The following A1CF variants were observed in gnomAD, a reference collection of about 807,000 sequenced individuals.
A1CF encodes APOBEC1 complementation factor, also known as APOBEC-1 stimulating protein.
A neutral mutation model predicts 68.9 loss-of-function variants in A1CF; 48 were observed. That is an observed-to-expected ratio of 0.70 (90% CI 0.55 to 0.89). The LOEUF (loss-of-function observed/expected upper bound fraction) is 0.89, where lower values mean the gene tolerates loss of function less well. Ranked by LOEUF, A1CF falls within the 40% of genes least tolerant of loss-of-function variation. The pLI is 0.00. For missense variants in A1CF, 653 were observed against 718.9 expected, an observed-to-expected ratio of 0.91 and a Z score of 1.05; for synonymous variants, 272 against 260.4, an observed-to-expected ratio of 1.04 and a Z score of -0.43.
intron 12 of A1CF, among the ~76,000 whole-genome samples, chr10:50,807,227 T>TTTATAAATTTAG: frequency 6.6e-6 from 1 of 152,204 alleles, no homozygotes; most frequent in South Asian, 2.1e-4. Flanking sequence ...TTTGAGGGTC[T>TTTATAAATTTAG]CCAAATTTAT....
chr10:50,869,011 G>A (rs2132569172), intron 1 of A1CF, among the ~76,000 whole-genome samples: 1 of 152,112 alleles, frequency 6.6e-6, no homozygotes, highest in East Asian at 1.9e-4. Context: ...AGGAAGGAGA[G>A]GAACAGGAAA....
At chr10:50,820,242 T>C (rs1022173562) in intron 8 of A1CF, among the ~76,000 whole-genome samples, 11 of 152,198 alleles carry the variant, frequency 7.2e-5, no homozygotes, top group African/African-American at 2.7e-4. Context: ...TTTGAAGTAA[T>C]GAGAGAAAAC....
chr10:50,854,120 T>C (rs563930604), intron 3 of A1CF, among the ~76,000 whole-genome samples: 1 of 152,158 alleles, frequency 6.6e-6, no homozygotes, highest in South Asian at 2.1e-4. Flanking sequence ...AGAAATCTTT[T>C]CTACCTTATG....
Position 50,874,204 on chromosome 10 carries a change from G to A in A1CF, c.-93-10124C>T, listed in dbSNP as rs116726536. 4.5e-3 allele frequency among the ~76,000 whole-genome samples: 685 copies of A among 152,086 alleles called. 2 individuals are homozygous for A. The highest frequency in any genetic ancestry group is 0.012 in the African/African-American group (509 of 41,536). On this transcript the variant is annotated intron_variant, in intron 1 of 12. Coordinates refer to ENST00000373997, the MANE Select transcript of A1CF (RefSeq NM_014576.4). ...CACAGATCATCAGATCATCATTTTT[G>A]CAAAACAATCCTGGCATCTAGAAAT...
In A1CF at chr10:50,801,644, C is replaced by T. The variant is rs1044232046; in HGVS notation, c.*5085G>A. On this transcript the variant is annotated 3_prime_UTR_variant, in exon 13 of 13. Coordinates refer to ENST00000373997, the MANE Select transcript of A1CF (RefSeq NM_014576.4). ...TTTTAAAGATACTGTTTCTTGGTAT[C>T]TCCTATTCCCTTAGACAAAGTATCA... 1 of 152,284 alleles carries T rather than the reference C, an allele frequency of 6.6e-6. No homozygotes were observed. The highest frequency in any genetic ancestry group is 6.5e-5 in the Admixed American group (1 of 15,292). 9.4% of individuals were successfully genotyped at this position (152,284 alleles called of 1,614,324 possible).
rs1224658129 is a variant in A1CF, at chr10:50,813,866, G to A, written c.1314C>T (p.Leu438=). 13 of 1,613,444 alleles carry A rather than the reference G, an allele frequency of 8.1e-6. No homozygotes were observed. The highest frequency in any genetic ancestry group is 5.0e-5 in the Admixed American group (3 of 59,964). Residue 438 remains leucine (L), a synonymous_variant, in exon 10 of 13, where the codon CTC becomes CTT. Transcript: ENST00000373997. ...GAATAACATTACCTACCTGGGGAGC[G>A]AGTTTAATTCCTTGGGGTTTTAATG... ...PVTLKPQGIK[L]APQILEEICQ...
intron 10 of A1CF, among the ~76,000 whole-genome samples, chr10:50,813,481 C>T (rs1397317994): frequency 2.0e-5 from 3 of 152,134 alleles, no homozygotes; most frequent in East Asian, 1.9e-4. Flanking sequence ...CTATTCAGGG[C>T]ACTGCCATAA....
chr10:50,806,614 C>T lies in A1CF; in HGVS notation c.*115G>A. 2 of 950,682 alleles carry T rather than the reference C, an allele frequency of 2.1e-6. No homozygotes were observed. The highest frequency in any genetic ancestry group is 3.5e-4 in the Middle Eastern group (1 of 2,880). 58.9% of individuals were successfully genotyped at this position (950,682 alleles called of 1,614,324 possible). A position where few individuals can be genotyped will look rare whatever the true frequency, so the allele number is the denominator to read the frequency against. On this transcript the variant is annotated 3_prime_UTR_variant, in exon 13 of 13. Transcript: ENST00000373997. ...ATAAGCTATACAGTCTCTGGAAAGG[C>T]ATTTCTTTAGGAAACATATTATTTA...
intron 7 of A1CF, among the ~76,000 whole-genome samples, chr10:50,827,446 G>A (rs984793590): frequency 2.6e-5 from 4 of 152,234 alleles, no homozygotes; most frequent in African/African-American, 9.6e-5. Flanking sequence ...TCAGACCACA[G>A]TGCAATCAAA....
intron 1 of A1CF, among the ~76,000 whole-genome samples, chr10:50,868,529 T>C (rs955584382): frequency 6.6e-6 from 1 of 152,210 alleles, no homozygotes; most frequent in East Asian, 1.9e-4. Context: ...TGCAACATCT[T>C]AGTTTTTTAA....
intron 7 of A1CF, among the ~76,000 whole-genome samples, chr10:50,820,897 G>T (rs970052387): frequency 1.3e-5 from 2 of 152,096 alleles, no homozygotes; most frequent in African/African-American, 4.8e-5. Flanking sequence ...AGGTGTCTAA[G>T]GGTGGGAATT....
chr10:50,834,576 T>C (rs1188524766), intron 6 of A1CF, among the ~76,000 whole-genome samples: 2 of 152,316 alleles, frequency 1.3e-5, no homozygotes, highest in South Asian at 2.1e-4. Context: ...TATTGAATAA[T>C]GAAATCACAT....
chr10:50,872,100 A>G (rs1165911084), intron 1 of A1CF, among the ~76,000 whole-genome samples: 2 of 151,840 alleles, frequency 1.3e-5, no homozygotes, highest in Non-Finnish European at 2.9e-5. Flanking sequence ...TGAACTGTCA[A>G]TTTAAAGAAA....
chr10:50,856,136 T>C (rs1320959651), intron 3 of A1CF, among the ~76,000 whole-genome samples: 1 of 152,018 alleles, frequency 6.6e-6, no homozygotes, highest in Non-Finnish European at 1.5e-5. Flanking sequence ...ATTCAGAAGA[T>C]ACTAGAATCA....
intron 12 of A1CF, among the ~76,000 whole-genome samples, 195 bp from the exon 13 acceptor site, chr10:50,807,075 G>C (rs1837867919): frequency 6.6e-6 from 1 of 152,144 alleles, no homozygotes; most frequent in African/African-American, 2.4e-5. Flanking sequence ...AACAGTCCTA[G>C]GACAATGTTC....
intron 5 of A1CF, among the ~76,000 whole-genome samples, chr10:50,838,782 G>C (rs568049453): frequency 5.3e-5 from 8 of 152,290 alleles, no homozygotes; most frequent in African/African-American, 1.9e-4. Flanking sequence ...AGTGCAAGTA[G>C]GTGAGGTTGT....
intron 6 of A1CF, among the ~76,000 whole-genome samples, chr10:50,833,743 G>A (rs1239850351): frequency 3.3e-5 from 5 of 152,136 alleles, no homozygotes; most frequent in Admixed American, 1.3e-4. Context: ...ATCCAAATGG[G>A]TGATAGGTTT....
chr10:50,851,124 C>T (rs1221742633), intron 3 of A1CF, among the ~76,000 whole-genome samples: 1 of 152,198 alleles, frequency 6.6e-6, no homozygotes, highest in African/African-American at 2.4e-5. Context: ...TTTGTATAAT[C>T]ATTCTTCTCC....
chr10:50,849,766 G>GTGAGT (rs1487227765), intron 3 of A1CF, among the ~76,000 whole-genome samples: 1 of 145,068 alleles, frequency 6.9e-6, no homozygotes, highest in Non-Finnish European at 1.5e-5. Flanking sequence ...ACTAAAAATA[G>GTGAGT]TGAGTTGATT....
Sources: allele counts gnomAD v4.1 joint callset (sites outside exome capture counted in the v4.1 genomes callset), GRCh38; gene constraint gnomAD v4.1.1; transcripts MANE v1.5; gene names NCBI Gene and HGNC (gene_info 2026-07-23, HGNC 2026-07-21).